CPT1A: variants seen among roughly 807,000 people sequenced by gnomAD.
The protein encoded by CPT1A is carnitine palmitoyltransferase 1A.
CPT1A carries 64 observed loss-of-function variants against 100.8 expected under a neutral mutation model. The observed-to-expected ratio is 0.63, with a 90% confidence interval of 0.52 to 0.78. CPT1A has a LOEUF of 0.78. CPT1A is among the 30% of genes least tolerant of loss of function. CPT1A has a pLI of 0.00. For missense variants in CPT1A, 802 were observed against 1,034.1 expected, an observed-to-expected ratio of 0.78 and a Z score of 3.08; for synonymous variants, 363 against 396.0, an observed-to-expected ratio of 0.92 and a Z score of 0.99.
chr11:68,811,243 C>A (rs371596598), intron 3 of CPT1A, among the ~76,000 whole-genome samples: 1 of 152,074 alleles, frequency 6.6e-6, no homozygotes, highest in Non-Finnish European at 1.5e-5. Context: ...CTCAGGTGAT[C>A]GACCCACCTC....
chr11:68,758,048 G>A (rs1054404518), intron 18 of CPT1A, among the ~76,000 whole-genome samples: 6 of 152,070 alleles, frequency 3.9e-5, no homozygotes, highest in African/African-American at 7.3e-5. Flanking sequence ...CTTTGGAATC[G>A]CTTGAGCCCA....
At chr11:68,802,917 A>AAAAG (rs1566369199) in intron 5 of CPT1A, among the ~76,000 whole-genome samples, 2 of 150,334 alleles carry the variant, frequency 1.3e-5, no homozygotes, top group African/African-American at 5.0e-5. Flanking sequence ...AAAAAAAAAA[A>AAAAG]AAAGAAAATG....
At chr11:68,776,188 C>T (rs1034304409) in intron 12 of CPT1A, among the ~76,000 whole-genome samples, 1 of 152,140 alleles carries the variant, frequency 6.6e-6, no homozygotes, top group Non-Finnish European at 1.5e-5. Flanking sequence ...TGCTGGAGGC[C>T]AGGAGTTCCA....
rs748123766 is a variant in CPT1A at position 68,759,621 on chromosome 11, C to T, written c.2183G>A (p.Gly728Glu). The change falls in exon 18 of 19, where the codon GGA becomes GAA. Residue 728 changes from glycine (G) to glutamate (E), a missense_variant. Gly to Glu is a moderately conservative substitution (Grantham distance 98). This residue lies in a region of CPT1A where 627 missense variants were observed against 799.3 expected (regional missense o/e 0.78). Coordinates refer to ENST00000265641, the MANE Select transcript of CPT1A (RefSeq NM_001876.4). ...DGYGVSYILV[G>E]ENLINFHISS... is the part of the protein sequence containing the mutation. The stretch of plus-strand genomic sequence containing the variant: ...AATGTGGAAATTGATGAGGTTCTCT[C>T]CCACAAGGATGTACGACACACCATA... The T allele has an allele frequency of 2.5e-6, 4 of 1,613,854 alleles. No homozygotes were observed. The highest frequency in any genetic ancestry group is 1.1e-5 in the South Asian group (1 of 91,074).
rs896519145 is a variant in CPT1A, at chr11:68,755,181, G to C, written c.*2463C>G. ...TACATTTGAAACATTTAAAACCTGA[G>C]AGAGAAACCCAAATATGTTTAAGCA... On this transcript the variant is annotated 3_prime_UTR_variant, in exon 19 of 19. Transcript: ENST00000265641. The C allele has an allele frequency of 9.9e-6, 3 of 301,652 alleles. No homozygotes were observed. Among genetic ancestry groups the C allele is most frequent in the Non-Finnish European group, 1.9e-5 (3 of 157,576 alleles). 18.7% of individuals were successfully genotyped at this position (301,652 alleles called of 1,614,324 possible). A position where few individuals can be genotyped will look rare whatever the true frequency, so the allele number is the denominator to read the frequency against.
intron 4 of CPT1A, among the ~76,000 whole-genome samples, chr11:68,806,874 G>C (rs1300208935): frequency 6.6e-6 from 1 of 152,040 alleles, no homozygotes; most frequent in African/African-American, 2.4e-5. Flanking sequence ...AGTTTGCAGT[G>C]AGCTGAGATC....
intron 1 of CPT1A, among the ~76,000 whole-genome samples, chr11:68,840,005 TTTA>T (rs889405832): frequency 1.3e-5 from 2 of 152,238 alleles, no homozygotes; most frequent in Non-Finnish European, 2.9e-5. Flanking sequence ...CCTGGCCCTT[TTTA>T]TTGTTTGATT....
chr11:68,767,770 G>A (rs929881398), intron 14 of CPT1A, among the ~76,000 whole-genome samples: 1 of 152,152 alleles, frequency 6.6e-6, no homozygotes, highest in African/African-American at 2.4e-5. Context: ...CCCAAGCACA[G>A]AGTGACGGAT....
chr11:68,807,746 C>A, intron 3 of CPT1A, 108 bp from the exon 4 acceptor site: 1 of 1,085,628 alleles, frequency 9.2e-7, no homozygotes, highest in South Asian at 1.3e-5. Context: ...CAGCAGCCTG[C>A]CCCAGGTACA....
chr11:68,754,893 C>T lies in CPT1A; in HGVS notation c.*2751G>A. 4 of 778,790 alleles carry T rather than the reference C, an allele frequency of 5.1e-6. No individual in the cohort carries two copies. The highest frequency in any genetic ancestry group is 4.9e-5 in the East Asian group (2 of 41,174). 48.2% of individuals were successfully genotyped at this position (778,790 alleles called of 1,614,324 possible). On this transcript the variant is annotated 3_prime_UTR_variant, in exon 19 of 19. Transcript: ENST00000265641. ...AGACAGAAACAAATCTTGTAGTAGA[C>T]TGGGGTTAATGTTTTATTAATGATA... is the stretch of plus-strand genomic sequence containing the variant.
At chr11:68,769,054 C>T (rs1297613987) in intron 14 of CPT1A, among the ~76,000 whole-genome samples, 1 of 152,108 alleles carries the variant, frequency 6.6e-6, no homozygotes. Context: ...TCTTGTGAAC[C>T]ACAGTTTCTG....
intron 9 of CPT1A, among the ~76,000 whole-genome samples, chr11:68,788,708 C>T (rs1224628919): frequency 8.2e-6 from 1 of 122,444 alleles, no homozygotes; most frequent in Non-Finnish European, 1.7e-5. Context: ...GGAAAAGATA[C>T]ACATCCATTT....
chr11:68,815,205 A>T, intron 2 of CPT1A, 129 bp downstream of exon 2: 1 of 937,210 alleles, frequency 1.1e-6, no homozygotes, highest in Non-Finnish European at 1.7e-6. Context: ...CCCAAGCCTT[A>T]AGTACCATGG....
intron 18 of CPT1A, 33 bp from the exon 19 acceptor site, chr11:68,757,763 T>A: frequency 6.3e-7 from 1 of 1,581,820 alleles, no homozygotes; most frequent in Non-Finnish European, 8.7e-7. Context: ...AAAAACCTAT[T>A]AAAACGTGGC....
At position 68,817,533 on chromosome 11, in the gene CPT1A, A is replaced by T. The variant is rs1014038818; in HGVS notation, c.-13-2046T>A. On this transcript the variant is annotated intron_variant, in intron 1 of 18. Transcript: ENST00000265641. The stretch of plus-strand genomic sequence containing the variant: ...CAGTGCTCTGGTGCAGGAAGGGGAG[A>T]AGCCGAGGGGACCTCTCAGGAGACA... 3.9e-5 allele frequency among the ~76,000 whole-genome samples: 6 copies of T among 152,186 alleles called. No homozygotes were observed. The South Asian group carries it at 1.0e-3, about 26-fold the overall frequency.
intron 14 of CPT1A, among the ~76,000 whole-genome samples, chr11:68,765,076 A>G (rs1356983785): frequency 6.6e-6 from 1 of 152,230 alleles, no homozygotes; most frequent in Non-Finnish European, 1.5e-5. Context: ...GCTGATAGCA[A>G]ACGCGCCTTT....
intron 6 of CPT1A, 118 bp from the exon 7 acceptor site, chr11:68,797,051 T>C: frequency 1.1e-6 from 1 of 905,256 alleles, no homozygotes; most frequent in Non-Finnish European, 1.8e-6. Flanking sequence ...CATTTCGGCG[T>C]CTAACAGGGG....
intron 1 of CPT1A, among the ~76,000 whole-genome samples, chr11:68,823,130 G>T (rs1309758983): frequency 6.6e-6 from 1 of 151,964 alleles, no homozygotes; most frequent in Non-Finnish European, 1.5e-5. Context: ...TGTGCCTGTA[G>T]TCCCAGCTAC....
intron 16 of CPT1A, 86 bp from the exon 17 acceptor site, chr11:68,760,424 C>T (rs1946782906): frequency 9.2e-7 from 1 of 1,083,890 alleles, no homozygotes; most frequent in Admixed American, 2.0e-5. Flanking sequence ...AAAAGCCTGG[C>T]TTGGTCTTTT....
Sources: allele counts gnomAD v4.1 joint callset (sites outside exome capture counted in the v4.1 genomes callset), GRCh38; gene constraint gnomAD v4.1.1; regional missense constraint gnomAD v4.1.1; transcripts MANE v1.5; gene names NCBI Gene and HGNC (gene_info 2026-07-23, HGNC 2026-07-21).